Variants in KDM5C observed in about 807,000 individuals in gnomAD.
The protein encoded by KDM5C is lysine-specific demethylase 5C.
KDM5C carries 16 observed loss-of-function variants against 110.6 expected under a neutral mutation model. The observed-to-expected ratio is 0.14, with a 90% confidence interval of 0.10 to 0.22. The LOEUF is 0.22. KDM5C is among the 10% of genes least tolerant of loss of function. The pLI is 1.00. For missense variants in KDM5C, 681 were observed against 1,300.9 expected, an observed-to-expected ratio of 0.52 and a Z score of 7.33; for synonymous variants, 511 against 520.4, an observed-to-expected ratio of 0.98 and a Z score of 0.24.
rs1372284505 is a variant in KDM5C, at chrX:53,192,163, A to G, written c.*804T>C. 1 of 174,647 alleles carries G rather than the reference A, an allele frequency of 5.7e-6. No individual in the cohort carries two copies. Among genetic ancestry groups the G allele is most frequent in the Non-Finnish European group, 1.1e-5 (1 of 91,312 alleles). The allele number at this position is 174,647 out of a possible 1,213,427, so 14.4% of individuals were successfully genotyped here. On this transcript the variant is annotated 3_prime_UTR_variant, in exon 26 of 26. Transcript: ENST00000375401. ...AAATGCACTTCAGAAACATGTTTCC[A>G]AAAAATGTTTCTAAGGGTTTTATTT...
rs782668307 is a variant in KDM5C, at chrX:53,194,143, G to A, written c.4034C>T (p.Pro1345Leu). 3 of 1,196,941 alleles carry A rather than the reference G, an allele frequency of 2.5e-6. No individual in the cohort carries two copies. Among genetic ancestry groups the A allele is most frequent in the Non-Finnish European group, 3.4e-6 (3 of 887,684 alleles). The change falls in exon 23 of 26, where the codon CCT becomes CTT. Residue 1345 changes from proline to leucine, a missense_variant. By Grantham distance (98) the Pro-to-Leu change is moderately conservative (BLOSUM62 -3). Transcript: ENST00000375401. Reference sequence around the variant, plus strand: ...GAGCTGGGCTGAGTAGCTCACCTTAGGCATATCCTTGCCACTGCCCTCTCT... The same window carrying A: ...GAGCTGGGCTGAGTAGCTCACCTTAAGCATATCCTTGCCACTGCCCTCTCT... Reference protein sequence around the residue: ...PLREGSGKDMPKVQGLLENGD... With the variant: ...PLREGSGKDMLKVQGLLENGD...
chrX:53,206,676 C>T (rs1270483491), intron 12 of KDM5C, among the ~76,000 whole-genome samples: 1 of 108,132 alleles, frequency 9.2e-6, no homozygotes, highest in African/African-American at 3.4e-5. Context: ...TCAGCCTGGC[C>T]AACATGGTAC....
At position 53,224,809 on chromosome X, in the gene KDM5C, A is replaced by G; in HGVS notation, c.81T>C (p.Pro27=). 8.3e-7 allele frequency: 1 copy of G among 1,211,506 alleles called. No individual in the cohort carries two copies. The highest frequency in any genetic ancestry group is 1.1e-6 in the Non-Finnish European group (1 of 895,181). ...GCCTGATTTTCGCGATGTAGCCAAG[A>G]GGGTCTCGGAACTCGGCCCAGCTAG... is the stretch of plus-strand genomic sequence containing the variant. ...FEPSWAEFRD[P]LGYIAKIRPI... The change falls in exon 1 of 26, where the codon CCT becomes CCC. Residue 27 remains proline, a synonymous_variant. Transcript: ENST00000375401.
At position 53,181,675 on chromosome X, in the gene KDM5C, CAAAAAAAAA is replaced by C. The variant is rs60649092; in HGVS notation, c.4309-5062_4309-5054del. On this transcript the variant is annotated intron_variant, in intron 25 of 25. Coordinates refer to the KDM5C transcript ENST00000685641. ...TGGGTGACAGAGTGAGACCATGTCTCAAAAAAAAAAAAAAAAAAAAAAAAGAAAAAGAAA... is the reference window on the plus strand; with the variant it reads ...TGGGTGACAGAGTGAGACCATGTCTCAAAAAAAAAAAAAAAGAAAAAGAAA... 6.5e-4 allele frequency among the ~76,000 whole-genome samples: 34 copies of C among 52,647 alleles called. 1 individual carries two copies. The East Asian group carries it at 8.4e-3, about 13-fold the overall frequency. 45.7% of individuals were successfully genotyped at this position (52,647 alleles called of 115,157 possible).
At position 53,192,768 on chromosome X, in the gene KDM5C, G is replaced by T; in HGVS notation, c.*199C>A. 8.6e-7 allele frequency: 1 copy of T among 1,162,390 alleles called. No individual in the cohort carries two copies. The highest frequency in any genetic ancestry group is 1.8e-5 in the African/African-American group (1 of 55,659). On this transcript the variant is annotated 3_prime_UTR_variant, in exon 26 of 26. Coordinates refer to ENST00000375401, the MANE Select transcript of KDM5C (RefSeq NM_004187.5). ...GCTACCAGGGAGGGAAGACTCCAGG[G>T]GCCGGCCCCCAGGAGCTGAGGTCTG...
intron 2 of KDM5C, chrX:53,218,822 C>A: frequency 3.9e-6 from 1 of 258,542 alleles, no homozygotes; most frequent in Admixed American, 5.0e-5. Context: ...AATCCATCCA[C>A]TTCGGCCTCC....
At chrX:53,196,107 A>G (rs1934831570) in intron 19 of KDM5C, 53 bp from the exon 20 acceptor site, 3 of 1,182,688 alleles carry the variant, frequency 2.5e-6, no homozygotes, top group Non-Finnish European at 3.4e-6. Context: ...GCCTGACCAG[A>G]AGCCCAGCCT....
Position 53,192,621 on chromosome X carries a change from TC to T in KDM5C, c.*345del. On this transcript the variant is annotated 3_prime_UTR_variant, in exon 26 of 26. Transcript: ENST00000375401. ...GAACTGGGGAGAGAAGGGAGGAGAG[TC>T]CCCCAGTTTGCATATACACTGGCCT... 2.9e-6 allele frequency: 2 copies of T among 698,240 alleles called. No homozygotes were observed. The highest frequency in any genetic ancestry group is 4.3e-6 in the Non-Finnish European group (2 of 469,575). The allele number at this position is 698,240 out of a possible 1,213,427, so 57.5% of individuals were successfully genotyped here.
chrX:53,196,661 G>A, intron 19 of KDM5C, 25 bp downstream of exon 19: 1 of 1,162,508 alleles, frequency 8.6e-7, no homozygotes, highest in Non-Finnish European at 1.2e-6. Flanking sequence ...ATAGGGCAGG[G>A]AAGGGAAGCA....
At chrX:53,207,353 G>A (rs782173054) in intron 12 of KDM5C, among the ~76,000 whole-genome samples, 11 of 110,871 alleles carry the variant, frequency 9.9e-5, no homozygotes, top group South Asian at 3.8e-4. Flanking sequence ...CTTTTGTTTC[G>A]TACTAAGTCT....
In KDM5C at chrX:53,193,094, G is replaced by A. The variant is rs1556832240; in HGVS notation, c.4556C>T (p.Thr1519Ile). 1 of 1,210,193 alleles carries A rather than the reference G, an allele frequency of 8.3e-7. No individual in the cohort carries two copies. The highest frequency in any genetic ancestry group is 1.7e-5 in the African/African-American group (1 of 57,524). Reference sequence around the variant, plus strand: ...TTCCAAGCCATTCTGGTTCTCCTGGGTGCTGGGGCTGCCAGTGGTGGGGAT... The same window carrying A: ...TTCCAAGCCATTCTGGTTCTCCTGGATGCTGGGGCTGCCAGTGGTGGGGAT... Reference protein sequence around the residue: ...APIPTTGSPSTQENQNGLEPA... With the variant: ...APIPTTGSPSIQENQNGLEPA... Residue 1519 changes from threonine (T) to isoleucine (I), a missense_variant, in exon 26 of 26, where the codon ACC (threonine) becomes ATC (isoleucine). Physicochemically the swap from Thr to Ile is moderately conservative, Grantham distance 89 (BLOSUM62 -1). Transcript: ENST00000375401.
chrX:53,217,774 T>C (rs782751130), intron 4 of KDM5C, 22 bp downstream of exon 4: 5 of 1,206,311 alleles, frequency 4.1e-6, no homozygotes, highest in African/African-American at 3.5e-5. Flanking sequence ...AGCCGCACCC[T>C]GCCCCACTGT....
At chrX:53,187,632 C>T (rs188720899), downstream of KDM5C, among the ~76,000 whole-genome samples, 1 of 111,447 alleles carries the variant, frequency 9.0e-6, no homozygotes, top group African/African-American at 3.3e-5. Context: ...CAGCCAGGCA[C>T]GGTGGCTCAT....
intron 18 of KDM5C, among the ~76,000 whole-genome samples, 161 bp from the exon 19 acceptor site, chrX:53,197,205 T>C (rs1393549472): frequency 2.7e-5 from 3 of 111,956 alleles, no homozygotes; most frequent in Non-Finnish European, 3.8e-5. Flanking sequence ...CCTAAGACAG[T>C]TGGGGTTCCT....
downstream of KDM5C, among the ~76,000 whole-genome samples, chrX:53,189,818 G>T (rs781823189): frequency 8.9e-6 from 1 of 112,764 alleles, no homozygotes; most frequent in East Asian, 2.8e-4. Context: ...CAGAGCTTGG[G>T]GGTGGGAGGA....
At chrX:53,188,623 T>C (rs1556828965), downstream of KDM5C, among the ~76,000 whole-genome samples, 1 of 110,542 alleles carries the variant, frequency 9.0e-6, no homozygotes, top group Non-Finnish European at 1.9e-5. Flanking sequence ...GATCCGCCCG[T>C]CTCAGCTTCC....
chrX:53,194,398 G>C lies in KDM5C; in HGVS notation c.3779C>G (p.Ala1260Gly), dbSNP rs1934665347. ...CAGTCTCTGCAGGGCTACCAGCAGTGCCAGGATGGTCTCCAGGCGCGGGCG... is the reference window on the plus strand; with the variant it reads ...CAGTCTCTGCAGGGCTACCAGCAGTCCCAGGATGGTCTCCAGGCGCGGGCG... ...SRRPRLETIL[A>G]LLVALQRLPV... The change falls in exon 23 of 26, where the codon GCA (alanine) becomes GGA (glycine). Residue 1260 changes from alanine (A) to glycine (G), a missense_variant. By Grantham distance (60) the Ala-to-Gly change is moderately conservative (BLOSUM62 0). This residue lies in a region of KDM5C where 12 missense variants were observed against 54.5 expected (regional missense o/e 0.22). Coordinates refer to ENST00000375401, the MANE Select transcript of KDM5C (RefSeq NM_004187.5). 8.3e-7 allele frequency: 1 copy of C among 1,211,157 alleles called. No homozygotes were observed.
intron 7 of KDM5C, chrX:53,215,090 C>G (rs782702035): frequency 2.1e-6 from 1 of 486,062 alleles, no homozygotes; most frequent in Non-Finnish European, 3.7e-6. Flanking sequence ...ACGCTGGACT[C>G]TAGCACAAAG....
At chrX:53,211,183 C>A (rs782525422) in intron 10 of KDM5C, among the ~76,000 whole-genome samples, 1 of 111,931 alleles carries the variant, frequency 8.9e-6, no homozygotes, top group Non-Finnish European at 1.9e-5. Flanking sequence ...TGCATACAAA[C>A]CCCACTCCCT....
Sources: allele counts gnomAD v4.1 joint callset (sites outside exome capture counted in the v4.1 genomes callset), GRCh38; gene constraint gnomAD v4.1.1; regional missense constraint gnomAD v4.1.1; transcripts MANE v1.5; gene names NCBI Gene and HGNC (gene_info 2026-07-23, HGNC 2026-07-21).